Variants in RFTN1 observed in about 807,000 individuals in gnomAD.
RFTN1 encodes the protein raftlin.
Under a neutral mutation model 46.5 loss-of-function variants are expected in RFTN1, and 26 were observed. The observed-to-expected ratio is 0.56, with a 90% CI of 0.41 to 0.78. The LOEUF (loss-of-function observed/expected upper bound fraction) is 0.78, where lower values mean the gene tolerates loss of function less well. RFTN1 is among the 30% of genes least tolerant of loss of function. The probability of loss-of-function intolerance (pLI) is 0.00; values close to 1 mark genes in which losing one functional copy is unlikely to be tolerated. For synonymous variants in RFTN1, 261 were observed against 284.2 expected, an observed-to-expected ratio of 0.92 and a Z score of 0.82; for missense variants, 693 against 718.7, an observed-to-expected ratio of 0.96 and a Z score of 0.41.
At chr3:16,434,065 A>G in intron 2 of RFTN1, 28 bp from the exon 3 acceptor site, 6 of 1,536,920 alleles carry the variant, frequency 3.9e-6, no homozygotes, top group Non-Finnish European at 5.2e-6. Context: ...GAGGCTCATC[A>G]AAGACCCATC....
In RFTN1 at chr3:16,370,673, A is replaced by G. The variant is rs1422284173; in HGVS notation, c.827-394T>C. ...GGGTGAGAATGGTCTTTGGAAAACT[A>G]AATGTACAGAGACACATAAAAACAA... is the stretch of plus-strand genomic sequence containing the variant. On this transcript the variant is annotated intron_variant, in intron 5 of 9. Coordinates refer to ENST00000334133, the MANE Select transcript of RFTN1 (RefSeq NM_015150.2). The surrounding 1 kb of genome is among the most constrained non-coding windows in gnomAD (Gnocchi z 5.5). Among the ~76,000 whole-genome samples, 1 of 152,250 alleles carries G rather than the reference A, an allele frequency of 6.6e-6. No individual in the cohort carries two copies. The highest frequency in any genetic ancestry group is 2.4e-5 in the African/African-American group (1 of 41,470).
At chr3:16,462,187 G>A (rs2076017817) in intron 2 of RFTN1, among the ~76,000 whole-genome samples, 2 of 152,204 alleles carry the variant, frequency 1.3e-5, no homozygotes, top group Non-Finnish European at 2.9e-5. Flanking sequence ...TCTGTACAAT[G>A]GTGGTAATAA....
chr3:16,495,361 T>C (rs2076607560), intron 1 of RFTN1, among the ~76,000 whole-genome samples: 1 of 152,224 alleles, frequency 6.6e-6, no homozygotes, highest in African/African-American at 2.4e-5. Context: ...CCCGTCAAGA[T>C]GTGCACTGTT....
intron 2 of RFTN1, among the ~76,000 whole-genome samples, chr3:16,461,596 AATT>A (rs2124928886): frequency 6.6e-6 from 1 of 152,344 alleles, no homozygotes; most frequent in African/African-American, 2.4e-5. Flanking sequence ...CCTTTCAGCC[AATT>A]ATACAATTAC....
intron 6 of RFTN1, 125 bp downstream of exon 6, chr3:16,369,951 A>G: frequency 1.1e-6 from 1 of 888,806 alleles, no homozygotes; most frequent in Non-Finnish European, 1.8e-6. Context: ...TAGAAATAAA[A>G]TGCAGCATGG....
rs1287018105 is a variant in RFTN1, at chr3:16,468,796, C to T, written c.145+24929G>A. ...TATAAGAGGCCCTGGTGCCCCAGTA[C>T]AATGGAGCAATTAAATCTTTATAAC... On this transcript the variant is annotated intron_variant, in intron 2 of 9. Coordinates refer to ENST00000334133, the MANE Select transcript of RFTN1 (RefSeq NM_015150.2). This position sits in a 1 kb window ranked among gnomAD's most constrained non-coding sequence, Gnocchi z 4.4. 6.6e-6 allele frequency among the ~76,000 whole-genome samples: 1 copy of T among 152,194 alleles called. No individual in the cohort carries two copies. Among genetic ancestry groups the T allele is most frequent in the Non-Finnish European group, 1.5e-5 (1 of 68,038 alleles).
At position 16,356,708 on chromosome 3, in the gene RFTN1, C is replaced by T. The variant is rs960155200; in HGVS notation, c.1146+1224G>A. On this transcript the variant is annotated intron_variant, in intron 7 of 9. Transcript: ENST00000334133. This position sits in a 1 kb window ranked among gnomAD's most constrained non-coding sequence, Gnocchi z 4.9. ...TAGAGGGTCCCAGTGCCCCACACTCCTCACAAAGGGTTGTATCCACCTCTG... is the reference window on the plus strand; with the variant it reads ...TAGAGGGTCCCAGTGCCCCACACTCTTCACAAAGGGTTGTATCCACCTCTG... 6.6e-6 allele frequency among the ~76,000 whole-genome samples: 1 copy of T among 152,248 alleles called. No homozygotes were observed. Among genetic ancestry groups the T allele is most frequent in the Non-Finnish European group, 1.5e-5 (1 of 68,042 alleles).
Position 16,336,053 on chromosome 3 carries a change from G to A in RFTN1, c.1147-9177C>T, listed in dbSNP as rs930509488. On this transcript the variant is annotated intron_variant, in intron 7 of 9. Coordinates refer to ENST00000334133, the MANE Select transcript of RFTN1 (RefSeq NM_015150.2). This position sits in a 1 kb window ranked among gnomAD's most constrained non-coding sequence, Gnocchi z 6.0. ...GAGGGTAGAGGTCCTGTTCTCCTAC[G>A]GCCATGGAAAGTGGAGATCTAGAGG... Among the ~76,000 whole-genome samples the A allele has an allele frequency of 2.0e-5, 3 of 152,160 alleles. No individual in the cohort carries two copies. The highest frequency in any genetic ancestry group is 2.9e-5 in the Non-Finnish European group (2 of 68,030).
intron 2 of RFTN1, among the ~76,000 whole-genome samples, chr3:16,469,140 C>CAT (rs2076150878): frequency 6.6e-6 from 1 of 152,258 alleles, no homozygotes; most frequent in Admixed American, 6.5e-5. Flanking sequence ...AAGTCAAGGG[C>CAT]ATAGCTTCCG....
Position 16,486,528 on chromosome 3 carries a change from G to T in RFTN1, c.145+7197C>A, listed in dbSNP as rs116609822. 1.5e-3 allele frequency among the ~76,000 whole-genome samples: 226 copies of T among 152,206 alleles called. 1 individual carries two copies. Among genetic ancestry groups the T allele is most frequent in the African/African-American group, 5.2e-3 (216 of 41,532 alleles). On this transcript the variant is annotated intron_variant, in intron 2 of 9. Coordinates refer to ENST00000334133, the MANE Select transcript of RFTN1 (RefSeq NM_015150.2). The stretch of plus-strand genomic sequence containing the variant: ...CCCTCCCACAAGTTGTCTCCTCTTC[G>T]TGAAAAGATTATCTGCTTCCACCCT...
chr3:16,485,515 C>T (rs549168440), intron 2 of RFTN1, among the ~76,000 whole-genome samples: 1 of 152,338 alleles, frequency 6.6e-6, no homozygotes, highest in Admixed American at 6.5e-5. Flanking sequence ...ACTGCAAAGG[C>T]ATTAGGCTGA....
intron 3 of RFTN1, 76 bp from the exon 4 acceptor site, chr3:16,409,559 C>T: frequency 9.4e-7 from 1 of 1,059,458 alleles, no homozygotes; most frequent in South Asian, 1.3e-5. Flanking sequence ...CTCTTGTCAC[C>T]CAGGCTGGAG....
Position 16,384,449 on chromosome 3 carries a change from C to A in RFTN1, c.442-6347G>T, listed in dbSNP as rs1489901576. Among the ~76,000 whole-genome samples, 1 of 152,208 alleles carries A rather than the reference C, an allele frequency of 6.6e-6. No homozygotes were observed. The highest frequency in any genetic ancestry group is 1.5e-5 in the Non-Finnish European group (1 of 68,040). On this transcript the variant is annotated intron_variant, in intron 4 of 9. Transcript: ENST00000334133. This position sits in a 1 kb window ranked among gnomAD's most constrained non-coding sequence, Gnocchi z 4.7. ...AGAAACAAGACAACTAGGACTTCATCTGGTATCGATTCCAGGTCCTACGTG... is the reference window on the plus strand; with the variant it reads ...AGAAACAAGACAACTAGGACTTCATATGGTATCGATTCCAGGTCCTACGTG...
chr3:16,345,421 T>C lies in RFTN1; in HGVS notation c.1146+12511A>G, dbSNP rs1464722922. Among the ~76,000 whole-genome samples the C allele has an allele frequency of 1.3e-5, 2 of 152,188 alleles. No individual in the cohort carries two copies. The highest frequency in any genetic ancestry group is 4.8e-5 in the African/African-American group (2 of 41,434). On this transcript the variant is annotated intron_variant, in intron 7 of 9. Transcript: ENST00000334133. This position sits in a 1 kb window ranked among gnomAD's most constrained non-coding sequence, Gnocchi z 5.2. ...CTTGCCACAGGATGCATAAACATTA[T>C]TTTTGGGCATGTTGTGAGGGTGTTT...
intron 1 of RFTN1, among the ~76,000 whole-genome samples, chr3:16,501,668 G>A (rs756327867): frequency 6.6e-6 from 1 of 152,210 alleles, no homozygotes; most frequent in Non-Finnish European, 1.5e-5. Flanking sequence ...ATTTGAAGAC[G>A]CAAGCATGTT....
At position 16,385,063 on chromosome 3, in the gene RFTN1, C is replaced by T. The variant is rs1281186315; in HGVS notation, c.442-6961G>A. Reference sequence around the variant, plus strand: ...TGCCCACTCCGGCCCTCCCTCATAACTCACACGCCCCCGATCCGTGACAAC... The same window carrying T: ...TGCCCACTCCGGCCCTCCCTCATAATTCACACGCCCCCGATCCGTGACAAC... On this transcript the variant is annotated intron_variant, in intron 4 of 9. Transcript: ENST00000334133. The surrounding 1 kb of genome is among the most constrained non-coding windows in gnomAD (Gnocchi z 5.0). Among the ~76,000 whole-genome samples, 2 of 152,194 alleles carry T rather than the reference C, an allele frequency of 1.3e-5. No individual in the cohort carries two copies. The highest frequency in any genetic ancestry group is 2.4e-5 in the African/African-American group (1 of 41,456).
chr3:16,358,621 T>C (rs973184416), intron 6 of RFTN1, among the ~76,000 whole-genome samples: 3 of 152,088 alleles, frequency 2.0e-5, no homozygotes, highest in Admixed American at 2.0e-4. Flanking sequence ...CCACTGGAAA[T>C]GTTTCCCTGG....
chr3:16,439,809 G>T (rs2075586569), intron 2 of RFTN1, among the ~76,000 whole-genome samples: 1 of 152,128 alleles, frequency 6.6e-6, no homozygotes, highest in South Asian at 2.1e-4. Flanking sequence ...ACTGTCCTCT[G>T]GGGGAGTGTG....
Position 16,474,896 on chromosome 3 carries a change from C to T in RFTN1, c.145+18829G>A, listed in dbSNP as rs2076256653. On this transcript the variant is annotated intron_variant, in intron 2 of 9. Coordinates refer to ENST00000334133, the MANE Select transcript of RFTN1 (RefSeq NM_015150.2). The surrounding 1 kb of genome is among the most constrained non-coding windows in gnomAD (Gnocchi z 5.5). ...TCAAGGGGTAGAAGCAAAAATGGCTCCTCTCCTCTTAAACCTAGTGATATG... is the reference window on the plus strand; with the variant it reads ...TCAAGGGGTAGAAGCAAAAATGGCTTCTCTCCTCTTAAACCTAGTGATATG... 6.6e-6 allele frequency among the ~76,000 whole-genome samples: 1 copy of T among 152,288 alleles called. No homozygotes were observed. The highest frequency in any genetic ancestry group is 1.9e-4 in the East Asian group (1 of 5,176).
Sources: gnomAD v4.1 joint callset for allele counts (sites outside exome capture counted in the v4.1 genomes callset) on GRCh38, gnomAD v4.1.1 for gene constraint, Gnocchi (gnomAD v3.1) non-coding constraint, MANE v1.5 for transcripts, NCBI Gene and HGNC (gene_info 2026-07-23, HGNC 2026-07-21) for gene names.